AKAP19: variants seen among roughly 807,000 people sequenced by gnomAD.
The protein encoded by AKAP19 is A-kinase anchoring protein 19.
chr2:189,885,081 G>A, the AKAP19 span, among the ~76,000 whole-genome samples: 5 of 152,126 alleles, frequency 3.3e-5, no homozygotes, highest in Non-Finnish European at 7.4e-5. Context: ...TCTCAAAAAT[G>A]TTATGAGGTA....
the AKAP19 span, among the ~76,000 whole-genome samples, chr2:190,014,183 G>A: frequency 6.6e-6 from 1 of 152,004 alleles, no homozygotes; most frequent in African/African-American, 2.4e-5. Flanking sequence ...TTGATCCATT[G>A]GTTGTTGTAT....
chr2:190,180,306 C>A, the AKAP19 span, among the ~76,000 whole-genome samples: 1 of 152,194 alleles, frequency 6.6e-6, no homozygotes, highest in Admixed American at 6.5e-5. The surrounding 1 kb of genome is among the most constrained non-coding windows in gnomAD (Gnocchi z 6.8). Context: ...GCTGCGGGGC[C>A]CCCTGCAGGC....
At chr2:190,177,358 A>C in the AKAP19 span, among the ~76,000 whole-genome samples, 1 of 152,188 alleles carries the variant, frequency 6.6e-6, no homozygotes, top group Non-Finnish European at 1.5e-5. The surrounding 1 kb of genome is among the most constrained non-coding windows in gnomAD (Gnocchi z 4.6). Flanking sequence ...ATGTGAATGA[A>C]CACTCGCAAA....
the AKAP19 span, among the ~76,000 whole-genome samples, chr2:190,010,761 T>C: frequency 6.6e-6 from 1 of 152,156 alleles, no homozygotes; most frequent in Non-Finnish European, 1.5e-5. Context: ...ATTGAGAAAC[T>C]ATAATCGTAT....
the AKAP19 span, among the ~76,000 whole-genome samples, chr2:190,093,569 A>G: frequency 6.6e-6 from 1 of 152,224 alleles, no homozygotes; most frequent in Non-Finnish European, 1.5e-5. Context: ...TTATAGAAAT[A>G]AAGATTTGTA....
chr2:190,078,589 T>C, the AKAP19 span, among the ~76,000 whole-genome samples: 1 of 152,022 alleles, frequency 6.6e-6, no homozygotes, highest in Non-Finnish European at 1.5e-5. Flanking sequence ...ACCTCACTCA[T>C]AATTAAATAA....
the AKAP19 span, among the ~76,000 whole-genome samples, chr2:189,935,956 C>T: frequency 6.6e-6 from 1 of 152,042 alleles, no homozygotes; most frequent in Non-Finnish European, 1.5e-5. Context: ...ATCACTAGTA[C>T]ATCCTTTTAC....
the AKAP19 span, among the ~76,000 whole-genome samples, chr2:189,940,455 ACAGT>A: frequency 0.024 from 3,714 of 151,848 alleles, 71 homozygotes; most frequent in Middle Eastern, 0.048. Context: ...AAGAAAATAC[ACAGT>A]CAAAGGAGAA....
chr2:190,141,734 A>G, the AKAP19 span, among the ~76,000 whole-genome samples: 12 of 152,322 alleles, frequency 7.9e-5, 2 homozygotes, highest in South Asian at 2.1e-3. Flanking sequence ...AAACAATATC[A>G]AAGGAGTTTT....
the AKAP19 span, among the ~76,000 whole-genome samples, chr2:190,107,922 G>C: frequency 2.6e-5 from 4 of 152,192 alleles, no homozygotes; most frequent in African/African-American, 9.6e-5. Context: ...TGTGGATGAA[G>C]AAAGTGTGGC....
chr2:189,919,237 G>A, the AKAP19 span, among the ~76,000 whole-genome samples: 1 of 152,092 alleles, frequency 6.6e-6, no homozygotes, highest in Non-Finnish European at 1.5e-5. Flanking sequence ...GCCAGTGGCT[G>A]GGGGAAGGGA....
At chr2:189,891,954 C>A in the AKAP19 span, among the ~76,000 whole-genome samples, 5 of 151,814 alleles carry the variant, frequency 3.3e-5, no homozygotes, top group African/African-American at 4.8e-5. Flanking sequence ...TTTCTCTAAT[C>A]TTGTCTTCAC....
the AKAP19 span, among the ~76,000 whole-genome samples, chr2:190,138,449 G>C: frequency 0.95 from 144,603 of 152,248 alleles, 69,122 homozygotes; most frequent in East Asian, 1. Context: ...CAGTTCAGCT[G>C]CTCTAATTCT....
chr2:189,963,211 T>TTTTTTTTTTTA, the AKAP19 span, among the ~76,000 whole-genome samples: 1 of 150,732 alleles, frequency 6.6e-6, no homozygotes. Context: ...TTTTTTTTTT[T>TTTTTTTTTTTA]GAGATGGAGT....
the AKAP19 span, chr2:190,201,296 TAA>T: frequency 6.0e-6 from 1 of 166,894 alleles, no homozygotes; most frequent in Non-Finnish European, 1.5e-5. Context: ...TTTAAAGGAT[TAA>T]GTACTGTTTG....
chr2:190,177,476 C>T, the AKAP19 span, among the ~76,000 whole-genome samples: 1 of 152,196 alleles, frequency 6.6e-6, no homozygotes, highest in African/African-American at 2.4e-5. This position sits in a 1 kb window ranked among gnomAD's most constrained non-coding sequence, Gnocchi z 4.6. Flanking sequence ...ACAAGTGAAT[C>T]CCAGGGCCCG....
the AKAP19 span, among the ~76,000 whole-genome samples, chr2:190,023,902 T>G: frequency 1.3e-5 from 2 of 151,560 alleles, no homozygotes. Flanking sequence ...TCCAATTGAA[T>G]TGCAATGACG....
At chr2:190,001,157 T>C in the AKAP19 span, among the ~76,000 whole-genome samples, 1 of 152,238 alleles carries the variant, frequency 6.6e-6, no homozygotes, top group Admixed American at 6.5e-5. Flanking sequence ...AACATTTTTA[T>C]TTGTTTTTTA....
the AKAP19 span, among the ~76,000 whole-genome samples, chr2:189,959,768 A>G: frequency 1.3e-5 from 2 of 152,182 alleles, no homozygotes; most frequent in African/African-American, 4.8e-5. Flanking sequence ...AAATATGACC[A>G]TTTGGTTCAC....
Sources: gnomAD v4.1 joint callset for allele counts (sites outside exome capture counted in the v4.1 genomes callset) on GRCh38, gnomAD v4.1.1 for gene constraint, Gnocchi (gnomAD v3.1) non-coding constraint, MANE v1.5 for transcripts, NCBI Gene and HGNC (gene_info 2026-07-23, HGNC 2026-07-21) for gene names.